ZNF282: variants seen among roughly 807,000 people sequenced by gnomAD.
ZNF282 encodes HTLV-I U5 repressive element-binding protein 1.
ZNF282 carries 30 observed loss-of-function variants against 61.9 expected under a neutral mutation model. The ratio of observed to expected loss-of-function variants is 0.48; its 90% CI spans 0.36 to 0.66. The LOEUF (loss-of-function observed/expected upper bound fraction) is 0.66. Among genes scored for constraint, ZNF282 ranks in the 30% least tolerant of loss-of-function variants. ZNF282 has a pLI of 0.00. For synonymous variants in ZNF282, 396 were observed against 405.0 expected, an observed-to-expected ratio of 0.98 and a Z score of 0.27; for missense variants, 788 against 941.4, an observed-to-expected ratio of 0.84 and a Z score of 2.13.
intron 2 of ZNF282, chr7:149,206,491 A>T: frequency 1.5e-6 from 1 of 676,382 alleles, no homozygotes; most frequent in Non-Finnish European, 2.5e-6. Context: ...CTAAAAAGGC[A>T]GGGTTGACCA....
chr7:149,198,324 T>C lies in ZNF282; in HGVS notation c.166-9T>C, dbSNP rs1282487315. ...ATCCTGGGTTGTCGCTTTCTCCCTC[T>C]GCATACAGGCTCAAGAATGGGACAT... On this transcript the variant is annotated splice_polypyrimidine_tract_variant and intron_variant, in intron 1 of 7. Transcript: ENST00000610704. This position sits in a 1 kb window ranked among gnomAD's most constrained non-coding sequence, Gnocchi z 4.3. 1.3e-6 allele frequency: 2 copies of C among 1,593,586 alleles called. No individual in the cohort carries two copies. The highest frequency in any genetic ancestry group is 1.7e-5 in the Admixed American group (1 of 58,430).
intron 7 of ZNF282, among the ~76,000 whole-genome samples, chr7:149,217,616 G>A (rs1185627173): frequency 7.7e-6 from 1 of 130,698 alleles, no homozygotes; most frequent in Non-Finnish European, 1.7e-5. Context: ...GGAAGAGGAT[G>A]AATAAGCAGG....
intron 7 of ZNF282, among the ~76,000 whole-genome samples, chr7:149,220,611 C>T (rs1411655071): frequency 2.0e-5 from 3 of 152,060 alleles, no homozygotes; most frequent in Non-Finnish European, 2.9e-5. Context: ...TCCCAAGCGT[C>T]GCATCCAGAC....
At chr7:149,206,864 G>C in intron 3 of ZNF282, 42 bp downstream of exon 3, 1 of 1,610,626 alleles carries the variant, frequency 6.2e-7, no homozygotes, top group Non-Finnish European at 8.5e-7. Context: ...CATCTCTGCA[G>C]AGGGTTGTGA....
At chr7:149,201,645 A>G (rs1416038018) in intron 2 of ZNF282, among the ~76,000 whole-genome samples, 1 of 152,076 alleles carries the variant, frequency 6.6e-6, no homozygotes, top group Admixed American at 6.6e-5. Flanking sequence ...CCAGCTACTC[A>G]GGAGGCTGAG....
Position 149,225,031 on chromosome 7 carries a change from A to G in ZNF282, c.*384A>G, listed in dbSNP as rs534382317. On this transcript the variant is annotated 3_prime_UTR_variant, in exon 8 of 8. Transcript: ENST00000610704. Reference sequence around the variant, plus strand: ...CCCAAGGTTAGGAGACGCCCTGAAAAAAAGCGAAGGCCGAGGGATGTGCTA... The same window carrying G: ...CCCAAGGTTAGGAGACGCCCTGAAAGAAAGCGAAGGCCGAGGGATGTGCTA... The G allele has an allele frequency of 1.2e-5, 3 of 254,492 alleles. No individual in the cohort carries two copies. The highest frequency in any genetic ancestry group is 6.7e-5 in the African/African-American group (3 of 44,936). The allele number at this position is 254,492 out of a possible 1,614,324, so 15.8% of individuals were successfully genotyped here.
In ZNF282 at chr7:149,207,382, T is replaced by C; in HGVS notation, c.744T>C (p.Ala248=). Residue 248 remains alanine, a synonymous_variant, in exon 4 of 8, where the codon GCT becomes GCC. Coordinates refer to ENST00000610704, the MANE Select transcript of ZNF282 (RefSeq NM_003575.4). ...AGGGCTCAGTCCCCAAGCCAGATGC[T>C]CCAGTCCAGGCTGAGCCCAGGGAAG... ...DAEGSVPKPD[A]PVQAEPREEP... 6.3e-7 allele frequency: 1 copy of C among 1,584,610 alleles called. No individual in the cohort carries two copies. Among genetic ancestry groups the C allele is most frequent in the Non-Finnish European group, 8.6e-7 (1 of 1,163,714 alleles).
intron 7 of ZNF282, among the ~76,000 whole-genome samples, chr7:149,214,292 G>A (rs1796130689): frequency 6.6e-6 from 1 of 152,050 alleles, no homozygotes; most frequent in South Asian, 2.1e-4. Context: ...CAGTCATATT[G>A]GATCAGGGCC....
chr7:149,205,351 T>A (rs1347286266), intron 2 of ZNF282, among the ~76,000 whole-genome samples: 1 of 151,976 alleles, frequency 6.6e-6, no homozygotes, highest in Non-Finnish European at 1.5e-5. Context: ...GGCAGGAGAA[T>A]CACTTGAACT....
At chr7:149,212,857 C>T (rs1201767008) in intron 6 of ZNF282, among the ~76,000 whole-genome samples, 1 of 152,150 alleles carries the variant, frequency 6.6e-6, no homozygotes, top group Non-Finnish European at 1.5e-5. Flanking sequence ...GCTGGGATTA[C>T]GGGCATGAGC....
At chr7:149,214,125 C>T (rs190286828) in intron 7 of ZNF282, among the ~76,000 whole-genome samples, 58 of 152,312 alleles carry the variant, frequency 3.8e-4, no homozygotes, top group African/African-American at 1.3e-3. Flanking sequence ...CAGACTTCCT[C>T]TGAAGTCTGT....
At chr7:149,208,954 G>A (rs1167570774) in intron 4 of ZNF282, among the ~76,000 whole-genome samples, 5 of 145,100 alleles carry the variant, frequency 3.4e-5, no homozygotes, top group African/African-American at 1.3e-4. Context: ...CCGGGAGGTG[G>A]AGGTTGCAGT....
chr7:149,213,353 C>T (rs1369116578), intron 6 of ZNF282, among the ~76,000 whole-genome samples: 1 of 152,192 alleles, frequency 6.6e-6, no homozygotes, highest in Non-Finnish European at 1.5e-5. Context: ...ACCTGTTAGC[C>T]ATGGCCCTGA....
At chr7:149,195,810 T>C in intron 1 of ZNF282, 56 bp downstream of exon 1, 2 of 1,363,876 alleles carry the variant, frequency 1.5e-6, no homozygotes, top group Non-Finnish European at 1.9e-6. Flanking sequence ...GGGCGCGGGC[T>C]GGGCCGCGGG....
intron 7 of ZNF282, among the ~76,000 whole-genome samples, 172 bp from the exon 8 acceptor site, chr7:149,223,640 G>T (rs1324107408): frequency 6.6e-6 from 1 of 152,178 alleles, no homozygotes; most frequent in Non-Finnish European, 1.5e-5. Flanking sequence ...CAGCAGGGTG[G>T]CTTCGAACAG....
chr7:149,223,038 G>C (rs1796282199), intron 7 of ZNF282, among the ~76,000 whole-genome samples: 1 of 151,888 alleles, frequency 6.6e-6, no homozygotes, highest in South Asian at 2.1e-4. Flanking sequence ...GCAATGGCAA[G>C]ATCTCAGCTC....
intron 6 of ZNF282, 46 bp from the exon 7 acceptor site, chr7:149,213,655 G>T (rs1379268569): frequency 6.8e-7 from 1 of 1,473,244 alleles, no homozygotes; most frequent in Admixed American, 1.8e-5. Context: ...GGGAGGCCGA[G>T]TAGAACTGAA....
intron 1 of ZNF282, among the ~76,000 whole-genome samples, chr7:149,196,675 A>G (rs919077701): frequency 6.6e-6 from 1 of 152,188 alleles, no homozygotes; most frequent in Non-Finnish European, 1.5e-5. Context: ...TTCAAACCCG[A>G]GAAAACTAAA....
chr7:149,216,836 A>G (rs936454115), intron 7 of ZNF282, among the ~76,000 whole-genome samples: 1 of 152,222 alleles, frequency 6.6e-6, no homozygotes, highest in Non-Finnish European at 1.5e-5. Context: ...CCTCAACCCA[A>G]TTGGATATTA....
Sources: allele counts gnomAD v4.1 joint callset (sites outside exome capture counted in the v4.1 genomes callset), GRCh38; gene constraint gnomAD v4.1.1; non-coding constraint Gnocchi (gnomAD v3.1); transcripts MANE v1.5; gene names NCBI Gene and HGNC (gene_info 2026-07-23, HGNC 2026-07-21).